Variants in GABRA2 observed in about 807,000 individuals in gnomAD.
The protein encoded by GABRA2 is gamma-aminobutyric acid type A receptor subunit alpha2, also known as gamma-aminobutyric acid receptor subunit alpha-2.
In GABRA2, 16 loss-of-function variants were observed where a neutral mutation model predicts 48.7. The ratio of observed to expected loss-of-function variants is 0.33; its 90% CI spans 0.22 to 0.50. The LOEUF is 0.50. Ranked by LOEUF, GABRA2 falls within the 20% of genes least tolerant of loss-of-function variation. The probability of loss-of-function intolerance (pLI) is 0.98; values close to 1 mark genes in which losing one functional copy is unlikely to be tolerated. For missense variants in GABRA2, 275 were observed against 535.6 expected (o/e 0.51, Z 4.80); for synonymous variants, 185 against 184.5 (o/e 1.00, Z -0.02).
intron 8 of GABRA2, among the ~76,000 whole-genome samples, chr4:46,277,092 A>G (rs1216238522): frequency 6.6e-6 from 1 of 152,130 alleles, no homozygotes; most frequent in Non-Finnish European, 1.5e-5. Flanking sequence ...GTGAATTATT[A>G]TCACAATTCA....
At chr4:46,273,484 C>CATATATATATATATATGCATATAT (rs1719804014) in intron 8 of GABRA2, among the ~76,000 whole-genome samples, 1 of 18,914 alleles carries the variant, frequency 5.3e-5, no homozygotes, top group African/African-American at 1.8e-4. Flanking sequence ...TATATATATG[C>CATATATATATATATATGCATATAT]ATATATATAT....
At chr4:46,266,980 T>C (rs2109379266) in intron 8 of GABRA2, among the ~76,000 whole-genome samples, 1 of 152,162 alleles carries the variant, frequency 6.6e-6, no homozygotes, top group African/African-American at 2.4e-5. Flanking sequence ...ATCCTCGGCC[T>C]CCCAAAGTGC....
intron 8 of GABRA2, among the ~76,000 whole-genome samples, chr4:46,265,912 CTCT>C (rs1718118494): frequency 2.0e-5 from 3 of 151,790 alleles, no homozygotes; most frequent in Admixed American, 1.3e-4. Flanking sequence ...CTCTTGTGAT[CTCT>C]TCTTTGATTT....
chr4:46,316,193 CG>C (rs1371252181), intron 4 of GABRA2, among the ~76,000 whole-genome samples: 6 of 151,858 alleles, frequency 4.0e-5, no homozygotes, highest in Non-Finnish European at 5.9e-5. Flanking sequence ...AATTTGTCAC[CG>C]TCACAAGCAA....
chr4:46,358,611 G>A (rs1186869880), intron 3 of GABRA2, among the ~76,000 whole-genome samples: 8 of 152,134 alleles, frequency 5.3e-5, no homozygotes, highest in Non-Finnish European at 1.0e-4. Flanking sequence ...TGCATTGGAT[G>A]GTTAGAAATT....
At chr4:46,358,795 T>C (rs925055590) in intron 3 of GABRA2, among the ~76,000 whole-genome samples, 6 of 152,350 alleles carry the variant, frequency 3.9e-5, no homozygotes, top group Non-Finnish European at 7.3e-5. Context: ...CTACATGTTA[T>C]GCCAGTTATG....
intron 8 of GABRA2, among the ~76,000 whole-genome samples, chr4:46,301,005 T>C (rs1725641798): frequency 6.6e-6 from 1 of 152,150 alleles, no homozygotes; most frequent in Non-Finnish European, 1.5e-5. Context: ...ATAATAAGAA[T>C]AATAGCTTTA....
At chr4:46,290,434 A>G (rs1393040018) in intron 8 of GABRA2, among the ~76,000 whole-genome samples, 3 of 151,936 alleles carry the variant, frequency 2.0e-5, no homozygotes, top group African/African-American at 7.2e-5. Flanking sequence ...TAGATCTTTT[A>G]TATTTTCTTT....
At chr4:46,284,565 G>C (rs1722162912) in intron 8 of GABRA2, among the ~76,000 whole-genome samples, 1 of 152,082 alleles carries the variant, frequency 6.6e-6, no homozygotes, top group Non-Finnish European at 1.5e-5. Flanking sequence ...AATCAGGCTG[G>C]CTCCAAATAT....
intron 8 of GABRA2, among the ~76,000 whole-genome samples, chr4:46,285,908 T>A (rs2109496554): frequency 6.6e-6 from 1 of 152,266 alleles, no homozygotes; most frequent in Non-Finnish European, 1.5e-5. Context: ...CCTTGGAATA[T>A]AAATTCAGTG....
At chr4:46,364,998 A>C (rs1321741071) in intron 3 of GABRA2, 1 of 152,212 alleles carries the variant, frequency 6.6e-6, no homozygotes, top group Non-Finnish European at 1.5e-5. Context: ...TCATTTTAAA[A>C]GGTTACCTTT....
chr4:46,330,591 T>TATAGAGAGAGAG (rs1411755120), intron 4 of GABRA2, among the ~76,000 whole-genome samples: 111 of 122,678 alleles, frequency 9.0e-4, no homozygotes, highest in East Asian at 4.3e-3. Flanking sequence ...TATATATATA[T>TATAGAGAGAGAG]AGAGAGAGAG....
intron 8 of GABRA2, among the ~76,000 whole-genome samples, chr4:46,294,123 C>A (rs1167227406): frequency 6.6e-6 from 1 of 152,208 alleles, no homozygotes; most frequent in Non-Finnish European, 1.5e-5. Flanking sequence ...AGGGGTATAT[C>A]AACTCTCTGG....
At chr4:46,361,872 C>A (rs1713254838) in intron 3 of GABRA2, among the ~76,000 whole-genome samples, 1 of 152,206 alleles carries the variant, frequency 6.6e-6, no homozygotes, top group Non-Finnish European at 1.5e-5. Context: ...GATCCAATTG[C>A]CCCACTAGAT....
At chr4:46,319,899 A>G (rs867016023) in intron 4 of GABRA2, among the ~76,000 whole-genome samples, 28 of 151,788 alleles carry the variant, frequency 1.8e-4, no homozygotes, top group South Asian at 2.1e-4. Context: ...AAAATTCATA[A>G]CATCCTCATT....
chr4:46,276,759 T>C (rs1720591399), intron 8 of GABRA2, among the ~76,000 whole-genome samples: 1 of 152,140 alleles, frequency 6.6e-6, no homozygotes, highest in African/African-American at 2.4e-5. Flanking sequence ...TCTCAATGTT[T>C]TTGTCTGGAA....
intron 4 of GABRA2, among the ~76,000 whole-genome samples, chr4:46,326,288 C>T (rs1266486284): frequency 2.0e-5 from 3 of 151,894 alleles, no homozygotes; most frequent in Non-Finnish European, 4.4e-5. Flanking sequence ...AGTCAAATTA[C>T]TTCTACCTGC....
chr4:46,257,743 G>A (rs1289671768), intron 9 of GABRA2, among the ~76,000 whole-genome samples: 3 of 150,058 alleles, frequency 2.0e-5, no homozygotes, highest in Non-Finnish European at 3.0e-5. Flanking sequence ...AGATAGATAA[G>A]AAGAAGACAT....
chr4:46,299,945 T>C (rs1374875202), intron 8 of GABRA2, among the ~76,000 whole-genome samples: 1 of 151,880 alleles, frequency 6.6e-6, no homozygotes, highest in Non-Finnish European at 1.5e-5. Context: ...TACAATCTAC[T>C]TCATTGGAAA....
Sources: gnomAD v4.1 joint callset for allele counts (sites outside exome capture counted in the v4.1 genomes callset) on GRCh38, gnomAD v4.1.1 for gene constraint, MANE v1.5 for transcripts, NCBI Gene and HGNC (gene_info 2026-07-23, HGNC 2026-07-21) for gene names.